Variants in IFT25 observed in about 807,000 individuals in gnomAD.
IFT25 encodes the protein intraflagellar transport 25.
the IFT25 span, chr1:53,940,172 G>A: frequency 1.8e-5 from 13 of 739,334 alleles, no homozygotes; most frequent in South Asian, 2.0e-4. Flanking sequence ...AAGTGAGAAG[G>A]AAAGGCTGTT....
chr1:53,919,011 T>G, the IFT25 span, among the ~76,000 whole-genome samples: 4 of 152,256 alleles, frequency 2.6e-5, 1 homozygote, highest in South Asian at 8.3e-4. Flanking sequence ...GCTAATTTTG[T>G]ATTTTTAGTA....
the IFT25 span, chr1:53,916,622 AT>A: frequency 3.7e-6 from 1 of 270,672 alleles, no homozygotes; most frequent in Non-Finnish European, 6.9e-6. Context: ...TATAATTCAC[AT>A]TCCTTCTCAA....
chr1:53,930,748 C>T, the IFT25 span, among the ~76,000 whole-genome samples: 2 of 152,238 alleles, frequency 1.3e-5, no homozygotes, highest in African/African-American at 2.4e-5. Flanking sequence ...AGCTCTGAGT[C>T]CAGTTTCTTT....
the IFT25 span, among the ~76,000 whole-genome samples, chr1:53,925,575 G>T: frequency 6.6e-6 from 1 of 151,236 alleles, no homozygotes; most frequent in Non-Finnish European, 1.5e-5. Flanking sequence ...TGAAGCAGGA[G>T]AATGTCGTGA....
At chr1:53,944,724 T>C in the IFT25 span, among the ~76,000 whole-genome samples, 1 of 152,178 alleles carries the variant, frequency 6.6e-6, no homozygotes, top group African/African-American at 2.4e-5. Flanking sequence ...AGGGCCGCAG[T>C]TTACCAAAGG....
chr1:53,937,339 G>A, the IFT25 span, among the ~76,000 whole-genome samples: 1 of 151,874 alleles, frequency 6.6e-6, no homozygotes, highest in African/African-American at 2.4e-5. Flanking sequence ...GGCTGGTCTT[G>A]AACTTCTGAC....
chr1:53,937,148 C>T, the IFT25 span, among the ~76,000 whole-genome samples: 4 of 152,168 alleles, frequency 2.6e-5, no homozygotes, highest in Admixed American at 1.3e-4. Flanking sequence ...GACAGAGTCT[C>T]GCTCTGTCAC....
At chr1:53,931,429 A>C in the IFT25 span, among the ~76,000 whole-genome samples, 1 of 152,212 alleles carries the variant, frequency 6.6e-6, no homozygotes, top group Non-Finnish European at 1.5e-5. Flanking sequence ...AGGCTTTGCT[A>C]TCAGGATAAT....
At chr1:53,921,443 T>A in the IFT25 span, 1 of 506,076 alleles carries the variant, frequency 2.0e-6, no homozygotes. Flanking sequence ...TTGATTAAGC[T>A]ATATACTGAA....
chr1:53,930,017 AAT>A, the IFT25 span: 2 of 1,534,944 alleles, frequency 1.3e-6, no homozygotes, highest in Non-Finnish European at 8.7e-7. Flanking sequence ...AAAAAAAAAA[AAT>A]TAATGTAAGA....
chr1:53,940,052 C>T, the IFT25 span: 1 of 1,610,260 alleles, frequency 6.2e-7, no homozygotes, highest in Non-Finnish European at 8.5e-7. Flanking sequence ...TCGGACCCTT[C>T]AGAGCTCAGA....
the IFT25 span, among the ~76,000 whole-genome samples, chr1:53,933,293 CCTGG>C: frequency 1.3e-5 from 2 of 152,170 alleles, no homozygotes; most frequent in East Asian, 3.9e-4. Flanking sequence ...CGCCACCACG[CCTGG>C]CTAATTTTTT....
chr1:53,945,680 G>A, the IFT25 span: 2,200 of 152,296 alleles, frequency 0.014, 21 homozygotes, highest in Non-Finnish European at 0.021. Context: ...GGAGTCCGGG[G>A]TCGCGCGCGC....
chr1:53,932,429 G>C, the IFT25 span, among the ~76,000 whole-genome samples: 1 of 151,708 alleles, frequency 6.6e-6, no homozygotes, highest in Non-Finnish European at 1.5e-5. Context: ...TCTAAGTTTT[G>C]GGGGGTTTTC....
chr1:53,929,210 C>T, the IFT25 span, among the ~76,000 whole-genome samples: 2 of 152,140 alleles, frequency 1.3e-5, no homozygotes, highest in African/African-American at 4.8e-5. Flanking sequence ...ATTTTATCTC[C>T]ACTCCCTCCC....
the IFT25 span, chr1:53,921,834 C>T: frequency 1.1e-6 from 1 of 890,708 alleles, no homozygotes; most frequent in Non-Finnish European, 1.9e-6. Flanking sequence ...AAGCAGTTAG[C>T]AAAAGAAACA....
chr1:53,938,007 A>AC, the IFT25 span, among the ~76,000 whole-genome samples: 4 of 152,252 alleles, frequency 2.6e-5, no homozygotes, highest in African/African-American at 7.2e-5. Context: ...TCCCTGAAGT[A>AC]CAAGTTAGAA....
chr1:53,939,888 C>G, the IFT25 span: 1 of 703,740 alleles, frequency 1.4e-6, no homozygotes, highest in Admixed American at 2.9e-5. Flanking sequence ...ATTTATTAAA[C>G]TATGTTTAAT....
chr1:53,928,630 A>T, the IFT25 span: 1 of 533,550 alleles, frequency 1.9e-6, no homozygotes, highest in East Asian at 3.0e-5. Flanking sequence ...TTGTGTAACT[A>T]ATCTTCCAAA....
Sources: allele counts gnomAD v4.1 joint callset (sites outside exome capture counted in the v4.1 genomes callset), GRCh38; gene constraint gnomAD v4.1.1; transcripts MANE v1.5; gene names NCBI Gene and HGNC (gene_info 2026-07-23, HGNC 2026-07-21).